WDR70: variants seen among roughly 807,000 people sequenced by gnomAD.
WDR70 encodes the protein WD repeat-containing protein 70.
A neutral mutation model predicts 88.6 loss-of-function variants in WDR70; 53 were observed. That is an observed-to-expected ratio of 0.60 (90% CI 0.48 to 0.75). WDR70 has a LOEUF of 0.75. WDR70 is among the 30% of genes least tolerant of loss of function. The pLI is 0.00. For missense variants in WDR70, 610 were observed against 823.2 expected, an observed-to-expected ratio of 0.74 and a Z score of 3.17; for synonymous variants, 280 against 270.0, an observed-to-expected ratio of 1.04 and a Z score of -0.36.
intron 10 of WDR70, among the ~76,000 whole-genome samples, chr5:37,676,639 T>C (rs536734336): frequency 6.6e-6 from 1 of 152,190 alleles, no homozygotes; most frequent in East Asian, 1.9e-4. Context: ...GGTTTGCCAG[T>C]ATTTTATTGA....
intron 10 of WDR70, among the ~76,000 whole-genome samples, chr5:37,651,070 G>A (rs1316971982): frequency 2.0e-5 from 3 of 151,188 alleles, no homozygotes; most frequent in Non-Finnish European, 4.4e-5. Context: ...TCATCAACCC[G>A]TCGTCTACAT....
chr5:37,682,397 T>C (rs1159047195), intron 10 of WDR70, among the ~76,000 whole-genome samples: 1 of 151,740 alleles, frequency 6.6e-6, no homozygotes, highest in Non-Finnish European at 1.5e-5. Flanking sequence ...ATCTTTTGAA[T>C]GGTTTTTTTG....
chr5:37,583,969 T>C (rs141986705), intron 9 of WDR70, among the ~76,000 whole-genome samples: 27 of 152,310 alleles, frequency 1.8e-4, no homozygotes, highest in African/African-American at 6.3e-4. Context: ...GTTAGGACCT[T>C]ACTTGTTTTC....
intron 10 of WDR70, among the ~76,000 whole-genome samples, chr5:37,616,587 G>A (rs1744350890): frequency 6.6e-6 from 1 of 152,124 alleles, no homozygotes; most frequent in Non-Finnish European, 1.5e-5. Flanking sequence ...GTTGAAGAAG[G>A]CCCAATCACA....
chr5:37,402,944 G>GTTTTT (rs5867348), intron 5 of WDR70, among the ~76,000 whole-genome samples: 1,980 of 84,228 alleles, frequency 0.024, 208 homozygotes, highest in African/African-American at 0.046. Flanking sequence ...CCCTCCCTCC[G>GTTTTT]TTTTTTTTTT....
intron 7 of WDR70, among the ~76,000 whole-genome samples, chr5:37,453,053 T>C (rs1201495173): frequency 6.6e-6 from 1 of 152,260 alleles, no homozygotes; most frequent in Non-Finnish European, 1.5e-5. Context: ...ATGTGTTTTT[T>C]ACTTGGTCTA....
At chr5:37,495,884 T>C (rs1288320053) in intron 8 of WDR70, among the ~76,000 whole-genome samples, 1 of 152,240 alleles carries the variant, frequency 6.6e-6, no homozygotes, top group Non-Finnish European at 1.5e-5. Flanking sequence ...ATTGCCTTTG[T>C]CATGCTCCTG....
At position 37,494,324 on chromosome 5, in the gene WDR70, A is replaced by G. The variant is rs11744453; in HGVS notation, c.840+14337A>G. ...AGCTGTTGATGGTTGTGAGAGAAAC[A>G]TTACTGGAAGAATTATGGAAGTATT... On this transcript the variant is annotated intron_variant, in intron 8 of 17. Transcript: ENST00000265107. Among the ~76,000 whole-genome samples, 495 of 152,342 alleles carry G rather than the reference A, an allele frequency of 3.2e-3. 4 individuals carry two copies. The highest frequency in any genetic ancestry group is 6.4e-3 in the South Asian group (31 of 4,824).
chr5:37,468,841 G>A (rs961852993), intron 7 of WDR70, among the ~76,000 whole-genome samples: 1 of 152,082 alleles, frequency 6.6e-6, no homozygotes, highest in Admixed American at 6.6e-5. Flanking sequence ...CATTTACATT[G>A]GATATTGAGT....
chr5:37,738,736 G>C lies in WDR70; in HGVS notation c.1877+11691G>C, dbSNP rs371860552. ...TTCTGTTATTTTTCTGTAGCATACA[G>C]TTGCTGGAAAAGACTCACTTTGTAA... On this transcript the variant is annotated intron_variant, in intron 17 of 17. Coordinates refer to ENST00000265107, the MANE Select transcript of WDR70 (RefSeq NM_018034.4). Among the ~76,000 whole-genome samples the C allele has an allele frequency of 1.1e-4, 16 of 152,120 alleles. No individual in the cohort carries two copies. In the East Asian group the frequency reaches 1.7e-3, roughly 16 times the overall value.
intron 9 of WDR70, among the ~76,000 whole-genome samples, chr5:37,542,052 T>G: frequency 6.6e-6 from 1 of 152,176 alleles, no homozygotes; most frequent in South Asian, 2.1e-4. Flanking sequence ...TATGAAAAAG[T>G]AGGGAATTAG....
Position 37,477,352 on chromosome 5 carries a change from A to G in WDR70, c.687-2482A>G, listed in dbSNP as rs187497444. 3.1e-3 allele frequency among the ~76,000 whole-genome samples: 475 copies of G among 152,258 alleles called. 1 individual carries two copies. Among genetic ancestry groups the G allele is most frequent in the African/African-American group, 0.011 (446 of 41,546 alleles). ...TACTCACTTATTTCTTGACCTCTCT[A>G]TTTAAAATATTTATCCCTGTCCTGT... is the stretch of plus-strand genomic sequence containing the variant. On this transcript the variant is annotated intron_variant, in intron 7 of 17. Transcript: ENST00000265107.
intron 3 of WDR70, among the ~76,000 whole-genome samples, chr5:37,390,977 A>G (rs1001727269): frequency 2.0e-5 from 3 of 152,158 alleles, no homozygotes; most frequent in African/African-American, 7.2e-5. Flanking sequence ...TGGCCTCCCA[A>G]AGTGCTGGGA....
intron 10 of WDR70, among the ~76,000 whole-genome samples, chr5:37,664,398 A>T (rs1745782021): frequency 1.3e-5 from 2 of 152,180 alleles, no homozygotes; most frequent in African/African-American, 4.8e-5. Flanking sequence ...ATAGATCCAA[A>T]AGTAAGGTGC....
intron 6 of WDR70, among the ~76,000 whole-genome samples, chr5:37,442,033 ATTTTTTTT>A (rs545329551): frequency 4.3e-5 from 5 of 116,530 alleles, no homozygotes; most frequent in Admixed American, 9.0e-5. Flanking sequence ...AGGGAAAGCA[ATTTTTTTT>A]TTTTTTTTTT....
intron 17 of WDR70, among the ~76,000 whole-genome samples, chr5:37,729,328 C>A (rs1748074857): frequency 6.6e-6 from 1 of 152,124 alleles, no homozygotes; most frequent in South Asian, 2.1e-4. Context: ...TTTCTGCTGA[C>A]AAAGCTAGGA....
At chr5:37,404,328 G>A (rs958743603) in intron 5 of WDR70, among the ~76,000 whole-genome samples, 8 of 152,022 alleles carry the variant, frequency 5.3e-5, no homozygotes, top group African/African-American at 1.7e-4. Context: ...CTAAGGATAT[G>A]GGATATTGCT....
At chr5:37,508,380 TC>T (rs1157523474) in intron 8 of WDR70, among the ~76,000 whole-genome samples, 2 of 152,150 alleles carry the variant, frequency 1.3e-5, no homozygotes, top group African/African-American at 4.8e-5. Context: ...CTCACCAACT[TC>T]CAGAATTATG....
At chr5:37,582,432 C>T (rs950013882) in intron 9 of WDR70, among the ~76,000 whole-genome samples, 1 of 152,196 alleles carries the variant, frequency 6.6e-6, no homozygotes, top group Non-Finnish European at 1.5e-5. Context: ...GCTCTGCTTG[C>T]TTAGCAGTGT....
Sources: allele counts gnomAD v4.1 joint callset (sites outside exome capture counted in the v4.1 genomes callset), GRCh38; gene constraint gnomAD v4.1.1; transcripts MANE v1.5; gene names NCBI Gene and HGNC (gene_info 2026-07-23, HGNC 2026-07-21).